The following PCDHA1 variants were observed in gnomAD, a reference collection of about 807,000 sequenced individuals.
PCDHA1 encodes the protein protocadherin alpha 1, also known as protocadherin alpha-1.
A neutral mutation model predicts 61.3 loss-of-function variants in PCDHA1; 42 were observed. The ratio of observed to expected loss-of-function variants is 0.69; its 90% CI spans 0.54 to 0.89. The LOEUF (loss-of-function observed/expected upper bound fraction) is 0.89, where lower values mean the gene tolerates loss of function less well. PCDHA1 is among the 40% of genes least tolerant of loss of function. PCDHA1 has a pLI of 0.00. For missense variants in PCDHA1, 1,256 were observed against 1,235.3 expected (o/e 1.02, Z -0.25); for synonymous variants, 610 against 553.8 (o/e 1.10, Z -1.43).
At chr5:140,836,573 C>A (rs1247544483) in intron 1 of PCDHA1, 4 of 1,613,690 alleles carry the variant, frequency 2.5e-6, no homozygotes, top group South Asian at 2.2e-5. Context: ...CCTCTGAGGG[C>A]GCATGTAGTT....
chr5:140,932,021 GT>G (rs1387709791), intron 1 of PCDHA1, among the ~76,000 whole-genome samples: 11 of 151,964 alleles, frequency 7.2e-5, no homozygotes, highest in African/African-American at 2.6e-4. Flanking sequence ...TTTACGGTAA[GT>G]TTACAGTATA....
At chr5:141,005,467 GC>G (rs1463928635) in intron 3 of PCDHA1, among the ~76,000 whole-genome samples, 1 of 151,982 alleles carries the variant, frequency 6.6e-6, no homozygotes, top group Non-Finnish European at 1.5e-5. Context: ...ACTTTGGGAG[GC>G]CGAGACGGGC....
chr5:140,898,153 G>C (rs1379342887), intron 1 of PCDHA1, among the ~76,000 whole-genome samples: 3 of 152,182 alleles, frequency 2.0e-5, no homozygotes, highest in South Asian at 2.1e-4. Context: ...TGTTCACGCT[G>C]ATGGTGGTTT....
intron 1 of PCDHA1, among the ~76,000 whole-genome samples, chr5:140,948,051 T>A (rs1554218425): frequency 2.0e-5 from 3 of 151,622 alleles, no homozygotes; most frequent in African/African-American, 7.2e-5. Context: ...CATGATTCAT[T>A]GTTGAATTTC....
intron 1 of PCDHA1, chr5:140,829,216 C>A (rs2150164003): frequency 1.2e-6 from 2 of 1,614,238 alleles, no homozygotes; most frequent in East Asian, 4.5e-5. Context: ...TTAGCGTGAA[C>A]GACCTCGATT....
intron 1 of PCDHA1, chr5:140,796,262 C>T: frequency 3.7e-6 from 6 of 1,614,124 alleles, no homozygotes; most frequent in Non-Finnish European, 5.1e-6. Context: ...GGGGGCTCGC[C>T]TTCACTGTGG....
rs371795952 is a variant in PCDHA1 at position 140,857,797 on chromosome 5, G to T, written c.2394+69113G>T. ...CAGTCAGTGAGCTGGTGCTGCGGTC[G>T]GTGGTTGCGGGTCACGTGGTGGCTA... On this transcript the variant is annotated intron_variant, in intron 1 of 3. Transcript: ENST00000504120. 12 of 1,597,706 alleles carry T rather than the reference G, an allele frequency of 7.5e-6. 1 individual carries two copies. In the East Asian group the frequency reaches 1.6e-4, roughly 21 times the overall value.
chr5:140,967,107 G>A (rs782199698), intron 1 of PCDHA1: 12 of 1,612,876 alleles, frequency 7.4e-6, no homozygotes, highest in Non-Finnish European at 9.3e-6. Context: ...TGTGAGCAGC[G>A]GCCTCGCTGC....
At chr5:140,960,855 A>T (rs1363929142) in intron 1 of PCDHA1, among the ~76,000 whole-genome samples, 1 of 152,204 alleles carries the variant, frequency 6.6e-6, no homozygotes, top group Non-Finnish European at 1.5e-5. Context: ...GGCAACTATA[A>T]GCCAGAAATT....
chr5:140,834,630 A>G (rs2150223003), intron 1 of PCDHA1: 2 of 1,614,158 alleles, frequency 1.2e-6, no homozygotes, highest in Non-Finnish European at 8.5e-7. Context: ...GCAGAATGGC[A>G]TTTTGTTTGT....
chr5:140,842,975 C>T (rs1554139598), intron 1 of PCDHA1: 3 of 1,594,992 alleles, frequency 1.9e-6, no homozygotes, highest in Non-Finnish European at 2.6e-6. Context: ...CGTGACGCTG[C>T]AGGTGTTCGT....
At chr5:140,929,459 G>A in intron 1 of PCDHA1, 1 of 1,350,080 alleles carries the variant, frequency 7.4e-7, no homozygotes. Flanking sequence ...CACTTCCTGT[G>A]CCAAGAAATC....
chr5:140,930,394 T>C (rs531643898), intron 1 of PCDHA1: 1 of 145,356 alleles, frequency 6.9e-6, no homozygotes, highest in South Asian at 2.2e-4. Flanking sequence ...TCAAAACTTC[T>C]TTTTTTTTTT....
chr5:140,876,931 A>G lies in PCDHA1; in HGVS notation c.2394+88247A>G, dbSNP rs377563074. The stretch of plus-strand genomic sequence containing the variant: ...GGCATGGGACGCGGACGCGCAGAAG[A>G]ACGCGCTGGTGTCCTACTCGCTGGT... On this transcript the variant is annotated intron_variant, in intron 1 of 3. Coordinates refer to ENST00000504120, the MANE Select transcript of PCDHA1 (RefSeq NM_018900.4). 8 of 1,613,668 alleles carry G rather than the reference A, an allele frequency of 5.0e-6. No individual in the cohort carries two copies. In the African/African-American group the frequency reaches 1.1e-4, roughly 22 times the overall value.
chr5:140,888,558 C>T (rs782768307), intron 1 of PCDHA1, among the ~76,000 whole-genome samples: 6 of 152,188 alleles, frequency 3.9e-5, no homozygotes, highest in Non-Finnish European at 7.3e-5. Flanking sequence ...TTATTCCTTT[C>T]AAGGCTTCAT....
At chr5:140,802,519 T>A (rs370096540) in intron 1 of PCDHA1, 9 of 1,614,040 alleles carry the variant, frequency 5.6e-6, no homozygotes, top group Admixed American at 1.7e-5. Flanking sequence ...ACGGCCAGCG[T>A]GTCCGTGGAG....
At chr5:140,825,690 G>C (rs1554130328) in intron 1 of PCDHA1, 1 of 152,172 alleles carries the variant, frequency 6.6e-6, no homozygotes, top group Admixed American at 6.6e-5. Context: ...CCAAAGTGCT[G>C]GGATTGCAGG....
In PCDHA1 at chr5:140,823,478, G is replaced by T. The variant is rs2150126228; in HGVS notation, c.2394+34794G>T. ...AACGCGCCGGCGCTGCTGGTGCCTC[G>T]AGTGGGTGGCACCGGCGGCGCAGTG... On this transcript the variant is annotated intron_variant, in intron 1 of 3. Transcript: ENST00000504120. The T allele has an allele frequency of 3.1e-6, 5 of 1,613,472 alleles. No individual in the cohort carries two copies. In the East Asian group the frequency reaches 8.9e-5, roughly 29 times the overall value.
intron 1 of PCDHA1, chr5:140,796,389 C>G (rs1762075987): frequency 6.2e-7 from 1 of 1,613,678 alleles, no homozygotes; most frequent in Admixed American, 1.7e-5. Context: ...GCCACATCTT[C>G]ACGGTGTCAG....
Sources: allele counts gnomAD v4.1 joint callset (sites outside exome capture counted in the v4.1 genomes callset), GRCh38; gene constraint gnomAD v4.1.1; transcripts MANE v1.5; gene names NCBI Gene and HGNC (gene_info 2026-07-23, HGNC 2026-07-21).